PPIA: variants seen among roughly 807,000 people sequenced by gnomAD.
PPIA encodes peptidyl-prolyl cis-trans isomerase A.
A neutral mutation model predicts 15.3 loss-of-function variants in PPIA; 2 were observed. The observed-to-expected ratio is 0.13, with a 90% CI of 0.05 to 0.41. The LOEUF is 0.41. Ranked by LOEUF, PPIA falls within the 10% of genes least tolerant of loss-of-function variation. The pLI, the probability that PPIA is intolerant of heterozygous loss-of-function variation, is 0.99. For missense variants in PPIA, 103 were observed against 210.3 expected (o/e 0.49, Z 3.16); for synonymous variants, 67 against 73.1 (o/e 0.92, Z 0.43).
At chr7:44,800,191 C>T (rs555654024) in intron 4 of PPIA, among the ~76,000 whole-genome samples, 49 of 152,052 alleles carry the variant, frequency 3.2e-4, no homozygotes, top group African/African-American at 1.1e-3. Context: ...TGGGTTCAAG[C>T]GATTCTCCTG....
chr7:44,801,156 T>C (rs1178833391), intron 4 of PPIA, 131 bp from the exon 5 acceptor site: 4 of 1,103,878 alleles, frequency 3.6e-6, no homozygotes, highest in Non-Finnish European at 5.1e-6. Context: ...AGAATCATGT[T>C]TAATGACATT....
At chr7:44,800,889 C>G (rs551768607) in intron 4 of PPIA, among the ~76,000 whole-genome samples, 1 of 152,130 alleles carries the variant, frequency 6.6e-6, no homozygotes, top group Admixed American at 6.5e-5. Flanking sequence ...GCGATCTCGG[C>G]TCACTGCAAG....
rs1792563990 is a variant in PPIA at position 44,801,591 on chromosome 7, G to A, written c.*169G>A. ...CTCCCATGCCTAGCTGGATTGCAGA[G>A]TTAAGTTTATGATTATGAAATAAAA... On this transcript the variant is annotated 3_prime_UTR_variant, in exon 5 of 5. Transcript: ENST00000468812. The A allele has an allele frequency of 1.8e-6, 1 of 558,744 alleles. No individual in the cohort carries two copies. The highest frequency in any genetic ancestry group is 3.2e-6 in the Non-Finnish European group (1 of 315,446). 34.6% of individuals were successfully genotyped at this position (558,744 alleles called of 1,614,324 possible). A position where few individuals can be genotyped will look rare whatever the true frequency, so the allele number is the denominator to read the frequency against.
intron 1 of PPIA, 67 bp downstream of exon 1, chr7:44,796,860 C>T: frequency 6.6e-7 from 1 of 1,508,834 alleles, no homozygotes; most frequent in South Asian, 1.2e-5. Context: ...TGGGTGGTAG[C>T]GCCCCAAAGG....
chr7:44,800,397 G>GTTTTTTTTTT (rs139479853), intron 4 of PPIA: 1 of 90,948 alleles, frequency 1.1e-5, no homozygotes, highest in Admixed American at 1.1e-4. Flanking sequence ...CCAATTAAGT[G>GTTTTTTTTTT]CTTTTTTTTT....
chr7:44,798,707 A>G, intron 1 of PPIA: 1 of 976,270 alleles, frequency 1.0e-6, no homozygotes, highest in Non-Finnish European at 1.2e-6. Flanking sequence ...TCAAAACCAG[A>G]TATACTAGAA....
At chr7:44,800,563 G>C (rs1583692207) in intron 4 of PPIA, 1 of 153,742 alleles carries the variant, frequency 6.5e-6, no homozygotes, top group Non-Finnish European at 1.4e-5. Flanking sequence ...ACCACTCCCA[G>C]CTAAATTGTG....
intron 1 of PPIA, among the ~76,000 whole-genome samples, chr7:44,797,497 C>T (rs1010384124): frequency 6.6e-6 from 1 of 152,196 alleles, no homozygotes; most frequent in African/African-American, 2.4e-5. Flanking sequence ...TTGCTGGTGC[C>T]CAAGGACCGC....
rs1304552446 is a variant in PPIA, at chr7:44,796,767, G to A, written c.43G>A (p.Glu15Lys). 6.2e-7 allele frequency: 1 copy of A among 1,609,752 alleles called. No individual in the cohort carries two copies. The highest frequency in any genetic ancestry group is 1.3e-5 in the African/African-American group (1 of 74,104). Residue 15 changes from glutamate (E) to lysine (K), a missense_variant, in exon 1 of 5, where the codon GAG becomes AAG. Coordinates refer to ENST00000468812, the MANE Select transcript of PPIA (RefSeq NM_021130.5). ...TVFFDIAVDGEPLGRVSFELF... is the reference protein window; with the variant it reads ...TVFFDIAVDGKPLGRVSFELF... ...GTTCTTCGACATTGCCGTCGACGGCGAGCCCTTGGGCCGCGTCTCCTTTGA... is the reference window on the plus strand; with the variant it reads ...GTTCTTCGACATTGCCGTCGACGGCAAGCCCTTGGGCCGCGTCTCCTTTGA...
intron 1 of PPIA, chr7:44,798,952 C>A: frequency 8.7e-7 from 1 of 1,153,906 alleles, no homozygotes; most frequent in Non-Finnish European, 1.1e-6. Context: ...TTTAAGAAGC[C>A]ATATATCTTT....
intron 1 of PPIA, among the ~76,000 whole-genome samples, chr7:44,797,331 G>A (rs926433631): frequency 6.6e-6 from 1 of 152,182 alleles, no homozygotes; most frequent in Non-Finnish European, 1.5e-5. Context: ...TGTAGATCCC[G>A]GGAGGCCATG....
Position 44,799,490 on chromosome 7 carries a change from T to C in PPIA, c.189+10T>C. ...AGGGTTTATGTGTCAGGTACGAAAT[T>C]TACTGAATTTTATTTTATTTGGGTT... On this transcript the variant is annotated intron_variant, in intron 3 of 4. Coordinates refer to ENST00000468812, the MANE Select transcript of PPIA (RefSeq NM_021130.5). 1 of 1,609,118 alleles carries C rather than the reference T, an allele frequency of 6.2e-7. No homozygotes were observed. The highest frequency in any genetic ancestry group is 8.5e-7 in the Non-Finnish European group (1 of 1,178,258).
chr7:44,799,876 TA>T lies in PPIA; in HGVS notation c.362+4del. 1 of 1,609,576 alleles carries T rather than the reference TA, an allele frequency of 6.2e-7. No individual in the cohort carries two copies. On this transcript the variant is annotated splice_donor_region_variant and intron_variant, in intron 4 of 4. Coordinates refer to ENST00000468812, the MANE Select transcript of PPIA (RefSeq NM_021130.5). ...CATCTGCACTGCCAAGACTGAGTGG[TA>T]AGGGTACAACATGGCACACTAACCA...
chr7:44,798,840 C>T (rs985407407), intron 1 of PPIA: 9 of 1,000,562 alleles, frequency 9.0e-6, no homozygotes, highest in Non-Finnish European at 1.1e-5. Context: ...TTACAAGTGA[C>T]TAAAAGAACA....
intron 3 of PPIA, 92 bp from the exon 4 acceptor site, chr7:44,799,610 G>A: frequency 6.3e-7 from 1 of 1,583,064 alleles, no homozygotes; most frequent in South Asian, 1.1e-5. Flanking sequence ...CTTCTATTCA[G>A]TTTGAACTTG....
chr7:44,800,018 G>A (rs531601611), intron 4 of PPIA, 144 bp downstream of exon 4: 2 of 793,074 alleles, frequency 2.5e-6, no homozygotes, highest in East Asian at 2.6e-5. Flanking sequence ...ATACATAAAC[G>A]ACAAATATAG....
At chr7:44,799,136 T>G in intron 1 of PPIA, 111 bp from the exon 2 acceptor site, 1 of 1,288,502 alleles carries the variant, frequency 7.8e-7, no homozygotes, top group South Asian at 1.4e-5. Context: ...AAGTAATTAC[T>G]GAAGAAGTAT....
chr7:44,796,834 T>A (rs1323011406), intron 1 of PPIA, 41 bp downstream of exon 1: 1 of 1,514,592 alleles, frequency 6.6e-7, no homozygotes, highest in Non-Finnish European at 9.0e-7. Flanking sequence ...GCCCAGAAAG[T>A]GGGCCGGGGT....
rs187294715 is a variant in PPIA, at chr7:44,800,194, T to C, written c.362+320T>C. ...ACCTCTGCCTCCTGGGTTCAAGCGA[T>C]TCTCCTGCCTTGGCCTCCTGAGTAG... is the stretch of plus-strand genomic sequence containing the variant. On this transcript the variant is annotated intron_variant, in intron 4 of 4. Transcript: ENST00000468812. 9.1e-4 allele frequency among the ~76,000 whole-genome samples: 138 copies of C among 152,234 alleles called. 1 individual carries two copies. The highest frequency in any genetic ancestry group is 5.9e-4 in the Non-Finnish European group (40 of 68,018).
Sources: gnomAD v4.1 joint callset for allele counts (sites outside exome capture counted in the v4.1 genomes callset) on GRCh38, gnomAD v4.1.1 for gene constraint, MANE v1.5 for transcripts, NCBI Gene and HGNC (gene_info 2026-07-23, HGNC 2026-07-21) for gene names.